Variants in DLC1 observed in about 807,000 individuals in gnomAD.
DLC1 encodes the protein rho GTPase-activating protein 7.
In DLC1, 54 loss-of-function variants were observed where a neutral mutation model predicts 140.3. The observed-to-expected ratio is 0.38, with a 90% CI of 0.31 to 0.48. The LOEUF (loss-of-function observed/expected upper bound fraction) is 0.48, where lower values mean the gene tolerates loss of function less well. DLC1 is among the 20% of genes least tolerant of loss of function. The pLI is 0.96. For missense variants in DLC1, 2,536 were observed against 1,907.0 expected (o/e 1.33, Z -6.14); for synonymous variants, 986 against 728.1 (o/e 1.35, Z -5.70).
intron 5 of DLC1, among the ~76,000 whole-genome samples, chr8:13,154,989 A>G (rs1005207480): frequency 1.3e-5 from 2 of 152,186 alleles, no homozygotes; most frequent in South Asian, 4.1e-4. Context: ...AAACTTTCGT[A>G]TATGAGGTAG....
intron 2 of DLC1, among the ~76,000 whole-genome samples, chr8:13,415,110 C>A (rs1336824807): frequency 1.3e-5 from 2 of 152,074 alleles, no homozygotes; most frequent in Non-Finnish European, 2.9e-5. Flanking sequence ...CTGCGCCTGG[C>A]CCACGATGTT....
chr8:13,354,183 C>T (rs1487138863), intron 4 of DLC1, among the ~76,000 whole-genome samples: 3 of 152,086 alleles, frequency 2.0e-5, no homozygotes, highest in Non-Finnish European at 4.4e-5. Flanking sequence ...TAAGATCTTA[C>T]ATATGCCAAC....
intron 5 of DLC1, among the ~76,000 whole-genome samples, chr8:13,127,603 G>C (rs1293321481): frequency 1.3e-5 from 2 of 152,238 alleles, no homozygotes; most frequent in Non-Finnish European, 2.9e-5. Flanking sequence ...TTGAGTGTGA[G>C]GAGGGACACA....
At chr8:13,350,235 G>A (rs1036965649) in intron 4 of DLC1, among the ~76,000 whole-genome samples, 5 of 151,764 alleles carry the variant, frequency 3.3e-5, no homozygotes, top group East Asian at 1.9e-4. Context: ...ATACCCTAAC[G>A]ATAGATTTTT....
At chr8:13,468,977 C>T (rs938396134) in intron 2 of DLC1, among the ~76,000 whole-genome samples, 5 of 151,890 alleles carry the variant, frequency 3.3e-5, no homozygotes, top group Admixed American at 6.6e-5. Context: ...TGCGCCATCA[C>T]GCTCAGCTAA....
chr8:13,573,983 G>A (rs770649337), intron 1 of DLC1, among the ~76,000 whole-genome samples: 3 of 152,106 alleles, frequency 2.0e-5, no homozygotes, highest in East Asian at 1.9e-4. Flanking sequence ...TGCCTTACAC[G>A]TGATGGTGCT....
At chr8:13,408,043 C>T (rs2291210) in intron 2 of DLC1, among the ~76,000 whole-genome samples, 12,811 of 152,034 alleles carry the variant, frequency 0.084, 1,295 homozygotes, top group East Asian at 0.43. Context: ...AAGAAGCTAA[C>T]GATAATGTAA....
intron 4 of DLC1, among the ~76,000 whole-genome samples, chr8:13,328,330 TG>T (rs1833451803): frequency 6.6e-6 from 1 of 152,010 alleles, no homozygotes; most frequent in African/African-American, 2.4e-5. Context: ...GTGATGAATA[TG>T]GGGAGAAGTA....
rs565453271 is a variant in DLC1 at position 13,224,632 on chromosome 8, C to G, written c.1348+80637G>C. Among the ~76,000 whole-genome samples the G allele has an allele frequency of 2.0e-5, 3 of 152,266 alleles. No individual in the cohort carries two copies. In the South Asian group the frequency reaches 6.2e-4, roughly 32 times the overall value. On this transcript the variant is annotated intron_variant, in intron 5 of 17. Coordinates refer to ENST00000276297, the MANE Select transcript of DLC1 (RefSeq NM_182643.3). ...AGGTGAATTCTATTCTGGGAAGGTT[C>G]TGCTTTGTTTTTCCTGTACTGGCCA...
intron 2 of DLC1, among the ~76,000 whole-genome samples, chr8:13,477,143 G>T (rs1176767232): frequency 6.6e-6 from 1 of 152,104 alleles, no homozygotes. Context: ...GGAAGCACAT[G>T]CTCTCTGCCT....
chr8:13,107,879 C>G (rs1819711360), intron 7 of DLC1, among the ~76,000 whole-genome samples: 1 of 151,912 alleles, frequency 6.6e-6, no homozygotes. Flanking sequence ...CCCATCTCTA[C>G]TAAAAAAATA....
At chr8:13,237,909 A>G (rs1210268110) in intron 5 of DLC1, among the ~76,000 whole-genome samples, 1 of 152,206 alleles carries the variant, frequency 6.6e-6, no homozygotes, top group African/African-American at 2.4e-5. Context: ...GAAAGAAAAG[A>G]AAGAAAGAAG....
chr8:13,410,770 C>G (rs745665154), intron 2 of DLC1, among the ~76,000 whole-genome samples: 1 of 152,094 alleles, frequency 6.6e-6, no homozygotes, highest in Non-Finnish European at 1.5e-5. Flanking sequence ...TATGTGTACT[C>G]TCTGTTTCCC....
intron 16 of DLC1, among the ~76,000 whole-genome samples, chr8:13,087,432 G>C (rs1817657965): frequency 2.0e-5 from 3 of 152,192 alleles, no homozygotes. Context: ...CAACTAACCA[G>C]ATGCAACTAC....
intron 2 of DLC1, among the ~76,000 whole-genome samples, chr8:13,441,696 A>C: frequency 6.6e-6 from 1 of 152,158 alleles, no homozygotes; most frequent in Non-Finnish European, 1.5e-5. Flanking sequence ...ACCACTGCTC[A>C]ATGAAATAAA....
intron 17 of DLC1, 137 bp from the exon 18 acceptor site, chr8:13,086,068 C>G: frequency 1.4e-6 from 2 of 1,415,810 alleles, no homozygotes; most frequent in Non-Finnish European, 1.9e-6. Context: ...GGCCGAGCTA[C>G]CATATTTGCT....
intron 1 of DLC1, among the ~76,000 whole-genome samples, chr8:13,537,648 C>G (rs980937135): frequency 1.1e-5 from 1 of 90,346 alleles, no homozygotes; most frequent in African/African-American, 4.6e-5. Context: ...ACAGCTAACT[C>G]TTTTTTTTTT....
chr8:13,092,515 G>C lies in DLC1; in HGVS notation c.3740+97C>G, dbSNP rs1818157268. ...ATATAGCGGTCTAACCTTCTTGCTT[G>C]TTTCAGGAAAGAGTCCCACAAAACC... On this transcript the variant is annotated intron_variant, in intron 13 of 17. Transcript: ENST00000276297. 4 of 1,364,784 alleles carry C rather than the reference G, an allele frequency of 2.9e-6. No individual in the cohort carries two copies. The African/African-American group carries it at 5.7e-5, about 20-fold the overall frequency. The allele number at this position is 1,364,784 out of a possible 1,614,324, so 84.5% of individuals were successfully genotyped here.
chr8:13,410,579 C>G (rs372337641), intron 2 of DLC1, among the ~76,000 whole-genome samples: 1 of 151,774 alleles, frequency 6.6e-6, no homozygotes, highest in East Asian at 1.9e-4. Context: ...GGAAAAACCC[C>G]TCATATCACA....
Sources: allele counts gnomAD v4.1 joint callset (sites outside exome capture counted in the v4.1 genomes callset), GRCh38; gene constraint gnomAD v4.1.1; transcripts MANE v1.5; gene names NCBI Gene and HGNC (gene_info 2026-07-23, HGNC 2026-07-21).